LDLRAD3: variants seen among roughly 807,000 people sequenced by gnomAD.
The protein encoded by LDLRAD3 is low density lipoprotein receptor class A domain containing 3.
LDLRAD3 carries 20 observed loss-of-function variants against 29.4 expected under a neutral mutation model. That is an observed-to-expected ratio of 0.68 (90% CI 0.48 to 0.99). The LOEUF (loss-of-function observed/expected upper bound fraction) is 0.99. Among genes scored for constraint, LDLRAD3 ranks in the 50% least tolerant of loss-of-function variants. LDLRAD3 has a pLI of 0.00. For missense variants in LDLRAD3, 420 were observed against 454.3 expected, an observed-to-expected ratio of 0.92 and a Z score of 0.69; for synonymous variants, 157 against 192.7, an observed-to-expected ratio of 0.81 and a Z score of 1.53.
intron 2 of LDLRAD3, among the ~76,000 whole-genome samples, chr11:36,072,937 G>T (rs551352477): frequency 5.5e-4 from 84 of 152,268 alleles, no homozygotes; most frequent in African/African-American, 2.0e-3. Context: ...CTGGTGAAAT[G>T]GGAAAAATAA....
intron 2 of LDLRAD3, among the ~76,000 whole-genome samples, chr11:36,052,675 A>C (rs908434801): frequency 6.6e-6 from 1 of 152,194 alleles, no homozygotes. Context: ...GAAATAGGGA[A>C]ATAATAAAAT....
chr11:35,964,308 C>T (rs922174213), intron 1 of LDLRAD3, among the ~76,000 whole-genome samples: 4 of 152,096 alleles, frequency 2.6e-5, no homozygotes, highest in Non-Finnish European at 5.9e-5. Flanking sequence ...CTGTCATGAT[C>T]GTGATTTGAC....
intron 1 of LDLRAD3, among the ~76,000 whole-genome samples, chr11:35,966,697 A>G (rs1851346268): frequency 6.6e-6 from 1 of 152,188 alleles, no homozygotes; most frequent in South Asian, 2.1e-4. Flanking sequence ...GAGATGTCCA[A>G]GTTATATACA....
At chr11:36,039,198 T>C (rs1010686132) in intron 2 of LDLRAD3, among the ~76,000 whole-genome samples, 1 of 152,102 alleles carries the variant, frequency 6.6e-6, no homozygotes, top group African/African-American at 2.4e-5. Flanking sequence ...CTGGATCTCC[T>C]GACCTCGTGA....
chr11:35,985,353 A>G (rs1851601839), intron 1 of LDLRAD3, among the ~76,000 whole-genome samples: 1 of 152,062 alleles, frequency 6.6e-6, no homozygotes, highest in African/African-American at 2.4e-5. Flanking sequence ...CTTTTAGACA[A>G]GTTAGGAAAT....
At chr11:36,195,290 TA>T (rs1258700574) in intron 4 of LDLRAD3, among the ~76,000 whole-genome samples, 1 of 2,842 alleles carries the variant, frequency 3.5e-4, no homozygotes, top group Non-Finnish European at 8.9e-4. Context: ...TGCATTTTTC[TA>T]GAAGCATAGA....
chr11:35,989,224 G>C (rs1426328486), intron 1 of LDLRAD3, among the ~76,000 whole-genome samples: 1 of 152,084 alleles, frequency 6.6e-6, no homozygotes, highest in Admixed American at 6.6e-5. Context: ...CTGTTCCATT[G>C]GTTTATGTGT....
At chr11:36,168,413 G>GAAATAATT (rs894710359) in intron 4 of LDLRAD3, among the ~76,000 whole-genome samples, 4 of 151,040 alleles carry the variant, frequency 2.6e-5, no homozygotes, top group African/African-American at 9.7e-5. Context: ...AAGAACCAGA[G>GAAATAATT]AAATAATTAA....
chr11:35,983,763 T>C (rs1379652151), intron 1 of LDLRAD3, among the ~76,000 whole-genome samples: 2 of 152,142 alleles, frequency 1.3e-5, no homozygotes, highest in African/African-American at 4.8e-5. Context: ...CCTGAGTAGC[T>C]GGGATTACAG....
intron 1 of LDLRAD3, among the ~76,000 whole-genome samples, chr11:36,030,218 G>A (rs1002645306): frequency 6.6e-6 from 1 of 152,228 alleles, no homozygotes; most frequent in Non-Finnish European, 1.5e-5. Flanking sequence ...TCTTCTTGGT[G>A]ACAGCTAGAG....
chr11:36,201,867 T>C (rs558262702), intron 4 of LDLRAD3, among the ~76,000 whole-genome samples: 4 of 152,188 alleles, frequency 2.6e-5, no homozygotes, highest in Non-Finnish European at 5.9e-5. Flanking sequence ...TTTTCAGATT[T>C]CTAGCTTCCT....
intron 2 of LDLRAD3, among the ~76,000 whole-genome samples, chr11:36,061,078 C>CA (rs2133233524): frequency 6.6e-6 from 1 of 152,300 alleles, no homozygotes; most frequent in East Asian, 1.9e-4. Context: ...GCCCAGAACA[C>CA]ACAATAAACA....
At chr11:36,157,600 G>T (rs1465370984) in intron 4 of LDLRAD3, among the ~76,000 whole-genome samples, 2 of 152,184 alleles carry the variant, frequency 1.3e-5, no homozygotes, top group Non-Finnish European at 2.9e-5. Context: ...TGGATTGGGG[G>T]TCATGATAAG....
intron 4 of LDLRAD3, among the ~76,000 whole-genome samples, chr11:36,138,356 T>A (rs1258082166): frequency 1.3e-5 from 2 of 152,236 alleles, no homozygotes; most frequent in African/African-American, 4.8e-5. Context: ...CGGGAATAGA[T>A]CAGTTAGTTT....
intron 4 of LDLRAD3, among the ~76,000 whole-genome samples, chr11:36,119,832 G>T (rs1853727662): frequency 1.3e-5 from 2 of 152,112 alleles, no homozygotes; most frequent in Admixed American, 1.3e-4. Flanking sequence ...GTTTAATTTT[G>T]ATGAGGTCCA....
intron 1 of LDLRAD3, among the ~76,000 whole-genome samples, chr11:35,996,999 A>T (rs986689080): frequency 6.6e-6 from 1 of 152,150 alleles, no homozygotes; most frequent in Non-Finnish European, 1.5e-5. Flanking sequence ...TTAGTTTCTC[A>T]TGTCAAACAA....
chr11:36,218,496 G>T (rs185912946), intron 4 of LDLRAD3, among the ~76,000 whole-genome samples: 4 of 152,252 alleles, frequency 2.6e-5, no homozygotes, highest in Non-Finnish European at 4.4e-5. Context: ...CAGGTGGCAA[G>T]ACTCTCACGG....
intron 2 of LDLRAD3, among the ~76,000 whole-genome samples, chr11:36,049,546 G>A (rs1195866891): frequency 6.6e-6 from 1 of 152,184 alleles, no homozygotes; most frequent in Non-Finnish European, 1.5e-5. Context: ...TCTTTAGAAA[G>A]CATTTCAGAA....
chr11:36,041,316 G>A (rs1852378703), intron 2 of LDLRAD3, among the ~76,000 whole-genome samples: 1 of 152,158 alleles, frequency 6.6e-6, no homozygotes, highest in Non-Finnish European at 1.5e-5. Flanking sequence ...TCCAGATGAG[G>A]AAATTGAGCA....
Sources: allele counts gnomAD v4.1 joint callset (sites outside exome capture counted in the v4.1 genomes callset), GRCh38; gene constraint gnomAD v4.1.1; transcripts MANE v1.5; gene names NCBI Gene and HGNC (gene_info 2026-07-23, HGNC 2026-07-21).